The following CNTNAP2 variants were observed in gnomAD, a reference collection of about 807,000 sequenced individuals.
The protein encoded by CNTNAP2 is contactin associated protein 2.
CNTNAP2 carries 98 observed loss-of-function variants against 155.2 expected under a neutral mutation model. The observed-to-expected ratio is 0.63, with a 90% CI of 0.54 to 0.75. The LOEUF is 0.75. Among genes scored for constraint, CNTNAP2 ranks in the 30% least tolerant of loss-of-function variants. The probability of loss-of-function intolerance (pLI) is 0.00; values close to 1 mark genes in which losing one functional copy is unlikely to be tolerated. For missense variants in CNTNAP2, 1,727 were observed against 1,688.1 expected (o/e 1.02, Z -0.40); for synonymous variants, 651 against 631.2 (o/e 1.03, Z -0.47).
chr7:147,093,922 G>A (rs1290748295), intron 4 of CNTNAP2, among the ~76,000 whole-genome samples: 1 of 152,116 alleles, frequency 6.6e-6, no homozygotes, highest in African/African-American at 2.4e-5. Context: ...GAAGAAAAAG[G>A]TAACAGGTCC....
intron 10 of CNTNAP2, among the ~76,000 whole-genome samples, chr7:147,467,093 A>G (rs1009049616): frequency 6.6e-6 from 1 of 152,218 alleles, no homozygotes; most frequent in Admixed American, 6.5e-5. Context: ...CACTGAAAAT[A>G]AGACATTTCA....
At chr7:146,281,398 A>G (rs1472829281) in intron 1 of CNTNAP2, among the ~76,000 whole-genome samples, 1 of 152,202 alleles carries the variant, frequency 6.6e-6, no homozygotes, top group Non-Finnish European at 1.5e-5. Flanking sequence ...TCTGAAATCA[A>G]TTTTAACTAA....
intron 21 of CNTNAP2, among the ~76,000 whole-genome samples, chr7:148,298,758 C>T (rs1797328815): frequency 6.6e-6 from 1 of 152,170 alleles, no homozygotes. Context: ...GTGGTACAAT[C>T]ATGGCTTACT....
chr7:147,535,332 C>T (rs951003742), intron 11 of CNTNAP2, among the ~76,000 whole-genome samples: 7 of 152,038 alleles, frequency 4.6e-5, no homozygotes, highest in African/African-American at 1.7e-4. Context: ...GCGGAGCTTG[C>T]AGTGAGTCAA....
intron 2 of CNTNAP2, among the ~76,000 whole-genome samples, chr7:146,792,256 A>G (rs892133565): frequency 6.0e-5 from 9 of 151,080 alleles, no homozygotes; most frequent in Non-Finnish European, 1.3e-4. Context: ...ATATCAAAAA[A>G]AAAGAAAAAG....
chr7:146,412,718 T>A (rs1473359144), intron 1 of CNTNAP2, among the ~76,000 whole-genome samples: 2 of 152,216 alleles, frequency 1.3e-5, no homozygotes, highest in Non-Finnish European at 2.9e-5. Flanking sequence ...ATATCTTGCT[T>A]CGAATTAATT....
intron 1 of CNTNAP2, among the ~76,000 whole-genome samples, chr7:146,358,152 A>G (rs2129100237): frequency 6.6e-6 from 1 of 152,174 alleles, no homozygotes; most frequent in South Asian, 2.1e-4. Flanking sequence ...CTCCTGCCTC[A>G]GCCTCCCGAG....
intron 3 of CNTNAP2, among the ~76,000 whole-genome samples, chr7:146,964,758 C>G (rs1797622632): frequency 6.6e-6 from 1 of 152,160 alleles, no homozygotes. Flanking sequence ...CTTTATCGGT[C>G]AGCCAAACGA....
intron 1 of CNTNAP2, among the ~76,000 whole-genome samples, chr7:146,606,689 G>T (rs932117403): frequency 1.3e-5 from 2 of 152,100 alleles, no homozygotes; most frequent in African/African-American, 2.4e-5. Context: ...CACTTATTTT[G>T]CTTGAGAAAT....
At chr7:146,390,762 T>C (rs1488390487) in intron 1 of CNTNAP2, among the ~76,000 whole-genome samples, 1 of 148,442 alleles carries the variant, frequency 6.7e-6, no homozygotes, top group African/African-American at 2.4e-5. Context: ...TATTATATTA[T>C]TATACATATT....
At chr7:147,688,313 A>G (rs1476273565) in intron 13 of CNTNAP2, among the ~76,000 whole-genome samples, 2 of 151,560 alleles carry the variant, frequency 1.3e-5, no homozygotes, top group African/African-American at 4.8e-5. Context: ...AGCAAAGCTA[A>G]AAATAGCAAA....
chr7:147,849,814 T>A (rs191396446), intron 13 of CNTNAP2: 1 of 152,288 alleles, frequency 6.6e-6, no homozygotes, highest in East Asian at 1.9e-4. Context: ...TTTTTAGCAA[T>A]AGGCATGTTA....
intron 12 of CNTNAP2, among the ~76,000 whole-genome samples, chr7:147,614,713 A>G (rs1350066326): frequency 6.6e-6 from 1 of 151,920 alleles, no homozygotes; most frequent in Non-Finnish European, 1.5e-5. Flanking sequence ...TCTGATGAAA[A>G]AAAAAGATTC....
chr7:146,453,627 C>T (rs942764260), intron 1 of CNTNAP2, among the ~76,000 whole-genome samples: 2 of 152,080 alleles, frequency 1.3e-5, no homozygotes, highest in South Asian at 2.1e-4. Context: ...AGAAATAATA[C>T]TGATGATCAA....
At chr7:148,187,233 C>T (rs1029599016) in intron 18 of CNTNAP2, among the ~76,000 whole-genome samples, 1 of 151,980 alleles carries the variant, frequency 6.6e-6, no homozygotes, top group Non-Finnish European at 1.5e-5. Flanking sequence ...TCTTAGGGTG[C>T]CACCCACACA....
At chr7:146,282,306 A>T (rs1258380538) in intron 1 of CNTNAP2, among the ~76,000 whole-genome samples, 1 of 152,178 alleles carries the variant, frequency 6.6e-6, no homozygotes, top group East Asian at 1.9e-4. Flanking sequence ...TAAAGCTCCA[A>T]AGCAAAGCTT....
chr7:147,435,248 C>G (rs1797531621), intron 10 of CNTNAP2, among the ~76,000 whole-genome samples: 1 of 152,106 alleles, frequency 6.6e-6, no homozygotes, highest in African/African-American at 2.4e-5. Flanking sequence ...TGGAAATCTA[C>G]AAATCATTGC....
intron 10 of CNTNAP2, among the ~76,000 whole-genome samples, chr7:147,470,074 G>T (rs1384900080): frequency 6.6e-6 from 1 of 152,084 alleles, no homozygotes; most frequent in Non-Finnish European, 1.5e-5. Context: ...ATGTAATTTA[G>T]GGCTCCATAG....
At position 146,933,822 on chromosome 7, in the gene CNTNAP2, CA is replaced by C. The variant is rs764475500; in HGVS notation, c.402+93923del. Among the ~76,000 whole-genome samples the C allele has an allele frequency of 1.2e-3, 189 of 152,146 alleles. 2 individuals carry two copies. The highest frequency in any genetic ancestry group is 4.4e-3 in the South Asian group (21 of 4,814). On this transcript the variant is annotated intron_variant, in intron 3 of 23. Coordinates refer to ENST00000361727, the MANE Select transcript of CNTNAP2 (RefSeq NM_014141.6). ...TCTCAAAAGAAGACATTTATGCAGC[CA>C]AAAAGCACATGAAAAAATGCTCACC...
Sources: gnomAD v4.1 joint callset for allele counts (sites outside exome capture counted in the v4.1 genomes callset) on GRCh38, gnomAD v4.1.1 for gene constraint, MANE v1.5 for transcripts, NCBI Gene and HGNC (gene_info 2026-07-23, HGNC 2026-07-21) for gene names.